Variants in GRM1 observed in about 807,000 individuals in gnomAD.
GRM1 encodes glutamate metabotropic receptor 1, also known as metabotropic glutamate receptor 1.
A neutral mutation model predicts 90.9 loss-of-function variants in GRM1; 33 were observed. That is an observed-to-expected ratio of 0.36 (90% CI 0.28 to 0.49). The LOEUF (loss-of-function observed/expected upper bound fraction) is 0.49. Ranked by LOEUF, GRM1 falls within the 20% of genes least tolerant of loss-of-function variation. The pLI, the probability that GRM1 is intolerant of heterozygous loss-of-function variation, is 0.99. For missense variants in GRM1, 1,190 were observed against 1,534.3 expected (o/e 0.78, Z 3.75); for synonymous variants, 700 against 613.2 (o/e 1.14, Z -2.09).
At chr6:146,274,962 G>A (rs988495326) in intron 2 of GRM1, among the ~76,000 whole-genome samples, 1 of 152,108 alleles carries the variant, frequency 6.6e-6, no homozygotes, top group African/African-American at 2.4e-5. Flanking sequence ...TCCAGGAGGT[G>A]GAGTTTGCAG....
intron 1 of GRM1, among the ~76,000 whole-genome samples, chr6:146,059,320 G>C (rs1257890591): frequency 6.6e-6 from 1 of 152,132 alleles, no homozygotes; most frequent in African/African-American, 2.4e-5. Context: ...ACTCTTGGGT[G>C]ACCAGGTGTA....
chr6:146,311,362 T>G (rs993705779), intron 3 of GRM1, among the ~76,000 whole-genome samples: 1 of 152,182 alleles, frequency 6.6e-6, no homozygotes, highest in South Asian at 2.1e-4. Flanking sequence ...TGGGAATAGG[T>G]TTTACAAGTC....
intron 5 of GRM1, among the ~76,000 whole-genome samples, chr6:146,358,835 T>C (rs1487115562): frequency 6.6e-6 from 1 of 152,196 alleles, no homozygotes; most frequent in East Asian, 1.9e-4. Context: ...CTCCAGCCAC[T>C]TGGACAAAGA....
chr6:146,159,444 G>T lies in GRM1; in HGVS notation c.797G>T (p.Gly266Val), dbSNP rs1429462549. Reference sequence around the variant, plus strand: ...TCTGACAAAATCTACAGCAACGCTGGGGAGAAGAGCTTTGACCGACTCTTG... The same window carrying T: ...TCTGACAAAATCTACAGCAACGCTGTGGAGAAGAGCTTTGACCGACTCTTG... Reference protein sequence around the residue: ...AHSDKIYSNAGEKSFDRLLRK... With the variant: ...AHSDKIYSNAVEKSFDRLLRK... Residue 266 changes from glycine (G) to valine (V), a missense_variant, in exon 2 of 8, where the codon GGG (glycine) becomes GTG (valine). Gly to Val is a moderately radical substitution (Grantham distance 109, BLOSUM62 -3). Coordinates refer to ENST00000282753, the MANE Select transcript of GRM1 (RefSeq NM_001278064.2). 6.2e-7 allele frequency: 1 copy of T among 1,614,182 alleles called. No individual in the cohort carries two copies. Among genetic ancestry groups the T allele is most frequent in the Non-Finnish European group, 8.5e-7 (1 of 1,180,022 alleles).
chr6:146,043,092 G>C (rs1480457563), intron 1 of GRM1, among the ~76,000 whole-genome samples: 1 of 151,798 alleles, frequency 6.6e-6, no homozygotes, highest in Non-Finnish European at 1.5e-5. Flanking sequence ...CTAGGAATTT[G>C]AGGCCAGCCT....
chr6:146,096,168 T>C (rs1412080), intron 1 of GRM1, among the ~76,000 whole-genome samples: 69,906 of 151,990 alleles, frequency 0.46, 16,503 homozygotes, highest in Middle Eastern at 0.55. Context: ...TTCAAACAGA[T>C]TTATGGAGAT....
intron 7 of GRM1, among the ~76,000 whole-genome samples, chr6:146,416,566 A>C (rs1777792387): frequency 6.6e-6 from 1 of 152,096 alleles, no homozygotes; most frequent in Non-Finnish European, 1.5e-5. Context: ...CATATTTTAC[A>C]TCCTATCTTA....
intron 1 of GRM1, among the ~76,000 whole-genome samples, chr6:146,048,429 T>A (rs1234614471): frequency 1.3e-5 from 2 of 152,040 alleles, no homozygotes; most frequent in Admixed American, 6.6e-5. Context: ...TTTTGAGTGA[T>A]TCCAAAACAT....
At position 146,434,397 on chromosome 6, in the gene GRM1, G is replaced by A; in HGVS notation, c.3186G>A (p.Leu1062=). ...GCCCCGGTGGTCCCGGGAACGGGCT[G>A]CGGTCCCTGTACCCGCCCCCGCCAC... ...LAGPGGPGNG[L]RSLYPPPPPP... The change falls in exon 8 of 8, where the codon CTG becomes CTA. Residue 1062 remains leucine (L), a synonymous_variant. Coordinates refer to ENST00000282753, the MANE Select transcript of GRM1 (RefSeq NM_001278064.2). 2 of 1,613,382 alleles carry A rather than the reference G, an allele frequency of 1.2e-6. No individual in the cohort carries two copies. The highest frequency in any genetic ancestry group is 1.7e-6 in the Non-Finnish European group (2 of 1,179,732).
intron 2 of GRM1, among the ~76,000 whole-genome samples, chr6:146,196,316 C>T (rs6899461): frequency 0.21 from 31,276 of 146,582 alleles, 6,937 homozygotes; most frequent in African/African-American, 0.57. Context: ...TTGACGGAGT[C>T]GCTCTCTGTC....
At chr6:146,277,351 T>C (rs1433421883) in intron 2 of GRM1, among the ~76,000 whole-genome samples, 6 of 152,182 alleles carry the variant, frequency 3.9e-5, no homozygotes, top group Non-Finnish European at 7.3e-5. Flanking sequence ...ATATTCTGCC[T>C]GACAAGAGTG....
intron 7 of GRM1, among the ~76,000 whole-genome samples, chr6:146,421,903 C>T (rs2300627): frequency 0.65 from 98,006 of 151,916 alleles, 33,203 homozygotes; most frequent in African/African-American, 0.87. Flanking sequence ...GAAAAACAAA[C>T]ATTAAAATTC....
intron 2 of GRM1, among the ~76,000 whole-genome samples, chr6:146,195,900 G>C (rs971808541): frequency 6.6e-6 from 1 of 152,194 alleles, no homozygotes; most frequent in African/African-American, 2.4e-5. Context: ...ATGAAGAATA[G>C]ATTCAACAGC....
chr6:146,383,784 T>G (rs1776402474), intron 5 of GRM1, among the ~76,000 whole-genome samples: 1 of 152,112 alleles, frequency 6.6e-6, no homozygotes, highest in South Asian at 2.1e-4. Context: ...GTTTCTGATT[T>G]TACATATAGG....
In GRM1 at chr6:146,398,828, A is replaced by T. The variant is rs149546064; in HGVS notation, c.1789A>T (p.Ile597Phe). The change falls in exon 7 of 8, where the codon ATC becomes TTC. Residue 597 changes from isoleucine to phenylalanine, a missense_variant. Coordinates refer to ENST00000282753, the MANE Select transcript of GRM1 (RefSeq NM_001278064.2). ...GAGCAACATCGAATCCATTATAGCC[A>T]TCGCCTTTTCATGCCTGGGAATCCT... ...EWSNIESIIA[I>F]AFSCLGILVT... 2 of 1,613,858 alleles carry T rather than the reference A, an allele frequency of 1.2e-6. No homozygotes were observed. Among genetic ancestry groups the T allele is most frequent in the Non-Finnish European group, 1.7e-6 (2 of 1,179,810 alleles).
At chr6:146,206,090 G>T (rs1562528541) in intron 2 of GRM1, among the ~76,000 whole-genome samples, 1 of 152,132 alleles carries the variant, frequency 6.6e-6, no homozygotes, top group Non-Finnish European at 1.5e-5. Flanking sequence ...AGCATGGTCA[G>T]CATGGTTTCC....
intron 2 of GRM1, among the ~76,000 whole-genome samples, chr6:146,279,282 A>C (rs1782485018): frequency 6.6e-6 from 1 of 152,120 alleles, no homozygotes; most frequent in African/African-American, 2.4e-5. Context: ...AAATGCTGCT[A>C]ATAATTTCAA....
intron 5 of GRM1, among the ~76,000 whole-genome samples, chr6:146,383,870 A>G (rs1333666544): frequency 6.6e-6 from 1 of 152,144 alleles, no homozygotes; most frequent in Non-Finnish European, 1.5e-5. Flanking sequence ...GTCCAGACTT[A>G]GCCTTCTGCC....
intron 1 of GRM1, among the ~76,000 whole-genome samples, chr6:146,113,353 A>T (rs188731429): frequency 2.4e-4 from 36 of 152,308 alleles, no homozygotes; most frequent in East Asian, 1.3e-3. Context: ...AAGCTTCATG[A>T]TATTCCACTT....
Sources: gnomAD v4.1 joint callset for allele counts (sites outside exome capture counted in the v4.1 genomes callset) on GRCh38, gnomAD v4.1.1 for gene constraint, MANE v1.5 for transcripts, NCBI Gene and HGNC (gene_info 2026-07-23, HGNC 2026-07-21) for gene names.